The following GLIS3 variants were observed in gnomAD, a reference collection of about 807,000 sequenced individuals.
GLIS3 encodes GLIS family zinc finger 3, also known as zinc finger protein GLIS3.
A neutral mutation model predicts 78.6 loss-of-function variants in GLIS3; 53 were observed. The ratio of observed to expected loss-of-function variants is 0.67; its 90% CI spans 0.54 to 0.85. The LOEUF (loss-of-function observed/expected upper bound fraction) is 0.85, where lower values mean the gene tolerates loss of function less well. Ranked by LOEUF, GLIS3 falls within the 40% of genes least tolerant of loss-of-function variation. GLIS3 has a pLI of 0.00. For missense variants in GLIS3, 1,703 were observed against 1,231.1 expected (o/e 1.38, Z -5.74); for synonymous variants, 684 against 509.9 (o/e 1.34, Z -4.60).
At chr9:4,160,863 A>G (rs991552374) in intron 2 of GLIS3, among the ~76,000 whole-genome samples, 3 of 152,198 alleles carry the variant, frequency 2.0e-5, no homozygotes, top group African/African-American at 4.8e-5. Flanking sequence ...ACCTGTCTCA[A>G]TACTCATTGT....
intron 2 of GLIS3, among the ~76,000 whole-genome samples, chr9:4,157,949 CT>C (rs1433708902): frequency 6.6e-6 from 1 of 152,164 alleles, no homozygotes; most frequent in Non-Finnish European, 1.5e-5. Flanking sequence ...ATGATTGTCT[CT>C]TCAACTGATA....
chr9:4,059,438 C>G (rs1015678304), intron 4 of GLIS3, among the ~76,000 whole-genome samples: 1 of 152,224 alleles, frequency 6.6e-6, no homozygotes, highest in African/African-American at 2.4e-5. Context: ...TGGGATTTCT[C>G]TCAGCTCTCC....
rs897973031 is a variant in GLIS3 at position 4,188,121 on chromosome 9, T to C, written c.389-62180A>G. Among the ~76,000 whole-genome samples, 243 of 151,596 alleles carry C rather than the reference T, an allele frequency of 1.6e-3. 2 individuals carry two copies. Among genetic ancestry groups the C allele is most frequent in the East Asian group, 5.8e-3 (30 of 5,156 alleles). ...CAGGTTTTGCCCATTCAGTATGATA[T>C]TGGCTGTGGGTTTGTCATAGATAGC... is the stretch of plus-strand genomic sequence containing the variant. On this transcript the variant is annotated intron_variant, in intron 2 of 10. Transcript: ENST00000381971.
intron 6 of GLIS3, among the ~76,000 whole-genome samples, chr9:3,927,461 C>T (rs577493229): frequency 3.3e-5 from 5 of 152,236 alleles, no homozygotes; most frequent in East Asian, 1.9e-4. Context: ...ATTTATATGA[C>T]CAAAAAAACT....
At chr9:3,975,655 CAT>C (rs1818725058) in intron 4 of GLIS3, among the ~76,000 whole-genome samples, 1 of 150,994 alleles carries the variant, frequency 6.6e-6, no homozygotes, top group African/African-American at 2.4e-5. Flanking sequence ...AAACCAGTAA[CAT>C]GCCTTAAGGT....
At chr9:4,253,258 T>A (rs778020769) in intron 2 of GLIS3, among the ~76,000 whole-genome samples, 3 of 152,218 alleles carry the variant, frequency 2.0e-5, no homozygotes, top group Non-Finnish European at 4.4e-5. Context: ...GATGGGAGTT[T>A]TATCTACAAG....
chr9:4,180,169 T>C (rs529424866), intron 2 of GLIS3, among the ~76,000 whole-genome samples: 2 of 151,822 alleles, frequency 1.3e-5, no homozygotes, highest in East Asian at 1.9e-4. Context: ...AGAATGAGGG[T>C]TTCAGGCGGT....
chr9:4,112,205 C>G (rs1038778999), intron 4 of GLIS3, among the ~76,000 whole-genome samples: 3 of 152,198 alleles, frequency 2.0e-5, no homozygotes, highest in Non-Finnish European at 2.9e-5. Flanking sequence ...GAAAGAGACT[C>G]TGAATGTGAA....
chr9:4,192,785 A>C (rs1039306671), intron 2 of GLIS3, among the ~76,000 whole-genome samples: 3 of 148,302 alleles, frequency 2.0e-5, no homozygotes, highest in African/African-American at 7.4e-5. Flanking sequence ...AAGCAAATAA[A>C]CCAACAATTC....
At chr9:4,266,681 C>G (rs533360134) in intron 2 of GLIS3, among the ~76,000 whole-genome samples, 113 of 151,820 alleles carry the variant, frequency 7.4e-4, no homozygotes, top group African/African-American at 2.6e-3. Flanking sequence ...TGAATGACAG[C>G]CACTATGATA....
chr9:4,452,960 CAGAGAG>C, the GLIS3 span, among the ~76,000 whole-genome samples: 1 of 152,120 alleles, frequency 6.6e-6, no homozygotes, highest in Non-Finnish European at 1.5e-5. Flanking sequence ...GGTACCAAAA[CAGAGAG>C]ATAGACCAAT....
chr9:3,954,897 T>A (rs1029227620), intron 4 of GLIS3, among the ~76,000 whole-genome samples: 2 of 152,218 alleles, frequency 1.3e-5, no homozygotes, highest in Admixed American at 6.5e-5. Flanking sequence ...CCTTTGACGA[T>A]CTGGAATTAA....
intron 1 of GLIS3, among the ~76,000 whole-genome samples, chr9:4,292,765 T>G (rs576312819): frequency 1.3e-5 from 2 of 152,310 alleles, no homozygotes; most frequent in Non-Finnish European, 2.9e-5. Context: ...GTAACTTCCC[T>G]GGAATAAAAC....
At chr9:3,847,856 C>T (rs1231519351) in intron 9 of GLIS3, among the ~76,000 whole-genome samples, 4 of 152,166 alleles carry the variant, frequency 2.6e-5, no homozygotes, top group African/African-American at 7.2e-5. Context: ...AAGGACTTCT[C>T]CAAATCTAAT....
intron 6 of GLIS3, among the ~76,000 whole-genome samples, chr9:3,925,985 T>C (rs1825194943): frequency 6.6e-6 from 1 of 152,144 alleles, no homozygotes. Context: ...ACTCAGAGAA[T>C]CACAAATGCT....
chr9:3,981,199 A>T lies in GLIS3; in HGVS notation c.1711-44010T>A, dbSNP rs150289793. On this transcript the variant is annotated intron_variant, in intron 4 of 10. Transcript: ENST00000381971. ...CTCAGCCCTCTACTGGGACATTTTT[A>T]AAATGAATTTTGTATTAAAGGAGAC... 1.5e-3 allele frequency among the ~76,000 whole-genome samples: 235 copies of T among 152,332 alleles called. 2 individuals carry two copies. Among genetic ancestry groups the T allele is most frequent in the African/African-American group, 5.3e-3 (221 of 41,574 alleles).
chr9:3,970,520 C>T (rs1273061102), intron 4 of GLIS3, among the ~76,000 whole-genome samples: 2 of 152,024 alleles, frequency 1.3e-5, no homozygotes, highest in Non-Finnish European at 2.9e-5. Context: ...TTTAAAAATA[C>T]AGAAATAAGA....
chr9:4,090,920 A>G (rs188093421), intron 4 of GLIS3, among the ~76,000 whole-genome samples: 15 of 152,312 alleles, frequency 9.8e-5, no homozygotes, highest in Non-Finnish European at 1.9e-4. Context: ...CTAGAATCTG[A>G]CTGCAAACCC....
intron 8 of GLIS3, among the ~76,000 whole-genome samples, chr9:3,860,013 C>A (rs541619504): frequency 6.6e-6 from 1 of 152,044 alleles, no homozygotes; most frequent in East Asian, 1.9e-4. Context: ...TGGTGGCTCA[C>A]GCCTGTAATC....
Sources: gnomAD v4.1 joint callset for allele counts (sites outside exome capture counted in the v4.1 genomes callset) on GRCh38, gnomAD v4.1.1 for gene constraint, MANE v1.5 for transcripts, NCBI Gene and HGNC (gene_info 2026-07-23, HGNC 2026-07-21) for gene names.